ESR1: variants seen among roughly 807,000 people sequenced by gnomAD.
ESR1 encodes the protein estrogen receptor.
ESR1 carries 12 observed loss-of-function variants against 52.7 expected under a neutral mutation model. That is an observed-to-expected ratio of 0.23 (90% CI 0.15 to 0.37). ESR1 has a LOEUF of 0.37. ESR1 is among the 10% of genes least tolerant of loss of function. The pLI, the probability that ESR1 is intolerant of heterozygous loss-of-function variation, is 1.00. For synonymous variants in ESR1, 305 were observed against 316.8 expected (o/e 0.96, Z 0.39); for missense variants, 584 against 779.7 (o/e 0.75, Z 2.99).
At chr6:151,885,592 C>T (rs1048925215) in intron 3 of ESR1, among the ~76,000 whole-genome samples, 1 of 152,194 alleles carries the variant, frequency 6.6e-6, no homozygotes, top group African/African-American at 2.4e-5. Flanking sequence ...TGTCCAAGCA[C>T]GGTGGCTTAC....
At chr6:151,855,420 T>G (rs1787645351) in intron 2 of ESR1, among the ~76,000 whole-genome samples, 1 of 152,170 alleles carries the variant, frequency 6.6e-6, no homozygotes, top group African/African-American at 2.4e-5. Context: ...TTTTCATTTC[T>G]CCCTGTTTCA....
At chr6:151,965,615 C>T (rs968228147) in intron 4 of ESR1, among the ~76,000 whole-genome samples, 1 of 152,026 alleles carries the variant, frequency 6.6e-6, no homozygotes, top group African/African-American at 2.4e-5. Context: ...TTTTTCAGTT[C>T]ACCCACTGTT....
At chr6:152,090,281 C>T (rs1039761038) in intron 6 of ESR1, among the ~76,000 whole-genome samples, 4 of 152,194 alleles carry the variant, frequency 2.6e-5, no homozygotes, top group African/African-American at 9.6e-5. Flanking sequence ...GCTTTCTGGT[C>T]CAGACTACTT....
intron 1 of ESR1, among the ~76,000 whole-genome samples, chr6:151,821,501 G>A (rs886955772): frequency 6.6e-6 from 1 of 152,016 alleles, no homozygotes; most frequent in African/African-American, 2.4e-5. Context: ...CTTTGGTATT[G>A]AAGATTCCCT....
At chr6:151,708,390 A>G (rs1031305217) in intron 2 of ESR1, among the ~76,000 whole-genome samples, 1 of 152,124 alleles carries the variant, frequency 6.6e-6, no homozygotes, top group African/African-American at 2.4e-5. Context: ...ATATTCTTAG[A>G]TATATATTCT....
At chr6:151,716,556 T>A (rs905889871) in intron 2 of ESR1, among the ~76,000 whole-genome samples, 9 of 152,180 alleles carry the variant, frequency 5.9e-5, no homozygotes, top group African/African-American at 2.2e-4. Context: ...AGAGAGACAG[T>A]CTGGCTACAG....
chr6:152,117,826 A>C (rs1356751603), intron 6 of ESR1, among the ~76,000 whole-genome samples: 1 of 152,160 alleles, frequency 6.6e-6, no homozygotes, highest in Admixed American at 6.5e-5. Flanking sequence ...TTAAAACTTC[A>C]AGGGACAGGT....
chr6:151,734,439 AT>A (rs747267463), intron 2 of ESR1, among the ~76,000 whole-genome samples: 3 of 152,024 alleles, frequency 2.0e-5, no homozygotes, highest in Admixed American at 6.6e-5. Context: ...GCTATAAAAT[AT>A]GGTTATGAGT....
At chr6:151,918,388 C>A (rs1302627884) in intron 3 of ESR1, among the ~76,000 whole-genome samples, 1 of 152,180 alleles carries the variant, frequency 6.6e-6, no homozygotes, top group Non-Finnish European at 1.5e-5. Flanking sequence ...TTTGCACCCC[C>A]AGGAGAAATC....
chr6:151,925,122 G>GGTTTTTTTTGTTT (rs1554285715), intron 3 of ESR1, among the ~76,000 whole-genome samples: 51 of 38,684 alleles, frequency 1.3e-3, no homozygotes, highest in Non-Finnish European at 2.4e-3. Flanking sequence ...CCCAGCATCT[G>GGTTTTTTTTGTTT]GTTTTTTTTG....
At chr6:151,853,780 A>G (rs990431041) in intron 2 of ESR1, among the ~76,000 whole-genome samples, 1 of 152,196 alleles carries the variant, frequency 6.6e-6, no homozygotes, top group Non-Finnish European at 1.5e-5. Context: ...TAAATTTCCA[A>G]TTTCCCTACT....
intron 3 of ESR1, among the ~76,000 whole-genome samples, chr6:151,891,180 A>T (rs1403884496): frequency 1.3e-5 from 2 of 152,154 alleles, no homozygotes. Flanking sequence ...GCTTATTTAG[A>T]GATAATTTTG....
intron 2 of ESR1, among the ~76,000 whole-genome samples, chr6:151,869,921 G>A (rs1790656160): frequency 6.6e-6 from 1 of 152,196 alleles, no homozygotes; most frequent in African/African-American, 2.4e-5. Context: ...ATTAAGGCAT[G>A]CCATTTTTAT....
At chr6:151,738,216 TGATTTTCCTG>T (rs1222265319) in intron 2 of ESR1, among the ~76,000 whole-genome samples, 2 of 152,270 alleles carry the variant, frequency 1.3e-5, no homozygotes, top group Admixed American at 1.3e-4. Flanking sequence ...GATTTGTGAA[TGATTTTCCTG>T]GATTTTCCTG....
At position 151,735,565 on chromosome 6, in the gene ESR1, G is replaced by GT. The variant is rs113117602; in HGVS notation, c.-71+33570dup. ...GGGAGGTACTTGGTTGTTTGTTTTT[G>GT]TTTTTTTTTTCATTTCAATAGCTTT... On this transcript the variant is annotated intron_variant, in intron 2 of 2. Coordinates refer to the ESR1 transcript ENST00000404742. Among the ~76,000 whole-genome samples, 912 of 147,186 alleles carry GT rather than the reference G, an allele frequency of 6.2e-3. 6 individuals carry two copies. Among genetic ancestry groups the GT allele is most frequent in the African/African-American group, 0.018 (708 of 40,172 alleles).
intron 3 of ESR1, among the ~76,000 whole-genome samples, chr6:151,918,451 T>C (rs563608580): frequency 1.3e-5 from 2 of 152,346 alleles, no homozygotes; most frequent in East Asian, 3.9e-4. Flanking sequence ...TTCACAATGG[T>C]GTATCACCCC....
chr6:151,953,677 C>T (rs568219647), intron 4 of ESR1, among the ~76,000 whole-genome samples: 3 of 151,258 alleles, frequency 2.0e-5, no homozygotes, highest in East Asian at 2.0e-4. Flanking sequence ...GTCGAGATTG[C>T]GCCACTGCAC....
rs142666525 is a variant in ESR1, at chr6:151,973,583, C to A, written c.1096+29075C>A. 7.9e-5 allele frequency among the ~76,000 whole-genome samples: 12 copies of A among 152,282 alleles called. No individual in the cohort carries two copies. The East Asian group carries it at 2.3e-3, about 29-fold the overall frequency. On this transcript the variant is annotated intron_variant, in intron 4 of 7. Transcript: ENST00000206249. ...TTTTCCTGAGAGTCTACTATGCTCC[C>A]AGTACCAGCCTCCGCAGGCCCTCTG... is the stretch of plus-strand genomic sequence containing the variant.
intron 5 of ESR1, among the ~76,000 whole-genome samples, chr6:152,034,256 TG>T (rs1228066389): frequency 1.3e-5 from 2 of 150,738 alleles, no homozygotes; most frequent in African/African-American, 4.9e-5. Flanking sequence ...ACCTGCCCAT[TG>T]TGCACATGTA....
Sources: allele counts gnomAD v4.1 joint callset (sites outside exome capture counted in the v4.1 genomes callset), GRCh38; gene constraint gnomAD v4.1.1; transcripts MANE v1.5; gene names NCBI Gene and HGNC (gene_info 2026-07-23, HGNC 2026-07-21).